PCDHGA7: variants seen among roughly 807,000 people sequenced by gnomAD.
PCDHGA7 encodes the protein protocadherin gamma-A7.
In PCDHGA7, 44 loss-of-function variants were observed where a neutral mutation model predicts 58.3. The ratio of observed to expected loss-of-function variants is 0.75; its 90% CI spans 0.59 to 0.97. The LOEUF is 0.97. Among genes scored for constraint, PCDHGA7 ranks in the 50% least tolerant of loss-of-function variants. The probability of loss-of-function intolerance (pLI) is 0.00; values close to 1 mark genes in which losing one functional copy is unlikely to be tolerated. For synonymous variants in PCDHGA7, 516 were observed against 504.2 expected (o/e 1.02, Z -0.31); for missense variants, 1,266 against 1,188.7 (o/e 1.06, Z -0.96).
chr5:141,450,181 C>A (rs2098672863), intron 1 of PCDHGA7, among the ~76,000 whole-genome samples: 1 of 151,572 alleles, frequency 6.6e-6, no homozygotes, highest in African/African-American at 2.4e-5. Flanking sequence ...CCACACCCAG[C>A]TAATTTTTGT....
intron 1 of PCDHGA7, chr5:141,408,577 T>C (rs771768269): frequency 6.2e-7 from 1 of 1,614,068 alleles, no homozygotes; most frequent in South Asian, 1.1e-5. Flanking sequence ...TGATTGAGGA[T>C]GTTAATGACC....
At chr5:141,481,441 T>C (rs1397908285) in intron 1 of PCDHGA7, among the ~76,000 whole-genome samples, 1 of 152,250 alleles carries the variant, frequency 6.6e-6, no homozygotes, top group East Asian at 1.9e-4. Context: ...ATCAGTTTAG[T>C]ACATGTAAAT....
intron 1 of PCDHGA7, among the ~76,000 whole-genome samples, chr5:141,475,620 G>A (rs2154572702): frequency 6.6e-6 from 1 of 152,238 alleles, no homozygotes; most frequent in Admixed American, 6.5e-5. Flanking sequence ...TTTTCGGTTT[G>A]GTTCGATCCC....
At chr5:141,433,124 G>T in intron 1 of PCDHGA7, 5 of 1,614,136 alleles carry the variant, frequency 3.1e-6, no homozygotes, top group Non-Finnish European at 4.2e-6. Context: ...TGAAAAAAGC[G>T]AGCCCCTTTT....
At chr5:141,454,087 T>A (rs1251936767) in intron 1 of PCDHGA7, among the ~76,000 whole-genome samples, 4 of 152,198 alleles carry the variant, frequency 2.6e-5, no homozygotes, top group Non-Finnish European at 5.9e-5. Context: ...TCAGTGAAAT[T>A]TGAATTGAAC....
intron 1 of PCDHGA7, among the ~76,000 whole-genome samples, chr5:141,458,695 G>A (rs551105765): frequency 2.0e-5 from 3 of 151,852 alleles, no homozygotes; most frequent in Non-Finnish European, 2.9e-5. Context: ...TCAGCCTCCC[G>A]AGTAGCTGGG....
intron 1 of PCDHGA7, among the ~76,000 whole-genome samples, chr5:141,406,485 G>T (rs2094815755): frequency 6.6e-6 from 1 of 152,142 alleles, no homozygotes; most frequent in Non-Finnish European, 1.5e-5. Flanking sequence ...ATATTTTTCA[G>T]ATCACAAGTG....
At chr5:141,420,006 GAC>G (rs745722189) in intron 1 of PCDHGA7, 1 of 1,613,936 alleles carries the variant, frequency 6.2e-7, no homozygotes, top group African/African-American at 1.3e-5. Flanking sequence ...CTACGCCTGC[GAC>G]AGTCTTTCAG....
intron 2 of PCDHGA7, among the ~76,000 whole-genome samples, chr5:141,501,771 G>A (rs957546749): frequency 7.2e-5 from 11 of 152,118 alleles, no homozygotes; most frequent in African/African-American, 2.7e-4. Context: ...GGTTAAAAAA[G>A]AGGTCTCTCT....
intron 1 of PCDHGA7, chr5:141,388,795 C>G (rs1204065309): frequency 6.2e-7 from 1 of 1,613,716 alleles, no homozygotes; most frequent in Non-Finnish European, 8.5e-7. Flanking sequence ...GTTTTAAATA[C>G]ATTAGATTTT....
chr5:141,415,657 G>C, intron 1 of PCDHGA7: 1 of 1,576,238 alleles, frequency 6.3e-7, no homozygotes, highest in Non-Finnish European at 8.6e-7. Context: ...AAAAAAGATT[G>C]GTTTTTACTT....
At chr5:141,450,355 C>T (rs943649682) in intron 1 of PCDHGA7, among the ~76,000 whole-genome samples, 2 of 152,090 alleles carry the variant, frequency 1.3e-5, no homozygotes, top group Non-Finnish European at 2.9e-5. Context: ...TGAAACAGTT[C>T]CTCAGCCTTG....
rs757468959 is a variant in PCDHGA7, at chr5:141,395,139, G to A, written c.2424+9816G>A. On this transcript the variant is annotated intron_variant, in intron 1 of 3. Coordinates refer to ENST00000518325, the MANE Select transcript of PCDHGA7 (RefSeq NM_018920.4). ...CCTGATCTTTCCCCAGCCCAACTAC[G>A]CAGACATGCTCATCAGTCAGGAGGG... 10 of 1,614,026 alleles carry A rather than the reference G, an allele frequency of 6.2e-6. No homozygotes were observed. In the East Asian group the frequency reaches 1.3e-4, roughly 22 times the overall value.
Position 141,393,014 on chromosome 5 carries a change from C to T in PCDHGA7, c.2424+7691C>T, listed in dbSNP as rs761990025. The T allele has an allele frequency of 1.9e-6, 3 of 1,613,736 alleles. No homozygotes were observed. The African/African-American group carries it at 4.0e-5, about 22-fold the overall frequency. On this transcript the variant is annotated intron_variant, in intron 1 of 3. Transcript: ENST00000518325. ...TGGCGAAGCACGGAGTCCGTATCGT[C>T]TCCAGAGGTAGGACGCAGCTCTTTG... is the stretch of plus-strand genomic sequence containing the variant.
rs1052139407 is a variant in PCDHGA7, at chr5:141,385,148, T to G, written c.2249T>G (p.Leu750Arg). The change falls in exon 1 of 4, where the codon CTG becomes CGG. Residue 750 changes from leucine to arginine, a missense_variant. By Grantham distance (102) the Leu-to-Arg change is moderately radical (BLOSUM62 -2). Coordinates refer to ENST00000518325, the MANE Select transcript of PCDHGA7 (RefSeq NM_018920.4). ...GGCATGGACGGGGTGCAGGCTTTCC[T>G]GCAGACCTATTCCCATGAGGTCTCC... ...FVGMDGVQAF[L>R]QTYSHEVSLT... 1 of 1,614,218 alleles carries G rather than the reference T, an allele frequency of 6.2e-7. No individual in the cohort carries two copies. Among genetic ancestry groups the G allele is most frequent in the Admixed American group, 1.7e-5 (1 of 60,030 alleles).
chr5:141,423,943 G>GA, intron 1 of PCDHGA7: 1 of 1,211,382 alleles, frequency 8.3e-7, no homozygotes, highest in Non-Finnish European at 1.0e-6. Flanking sequence ...GAAGTAAGTT[G>GA]AATTTTAGTA....
chr5:141,404,656 C>A, intron 1 of PCDHGA7: 1 of 1,614,176 alleles, frequency 6.2e-7, no homozygotes, highest in Non-Finnish European at 8.5e-7. Context: ...CTGCCCTCCC[C>A]ACTGATGGTT....
intron 1 of PCDHGA7, chr5:141,394,176 G>A: frequency 6.2e-7 from 1 of 1,613,790 alleles, no homozygotes; most frequent in Non-Finnish European, 8.5e-7. Flanking sequence ...TTTCCCTCAT[G>A]CCTCCTACTC....
At chr5:141,390,299 A>G in intron 1 of PCDHGA7, 1 of 1,613,858 alleles carries the variant, frequency 6.2e-7, no homozygotes, top group Non-Finnish European at 8.5e-7. Context: ...TCCTTTAAGT[A>G]TAATTTAATG....
Sources: gnomAD v4.1 joint callset for allele counts (sites outside exome capture counted in the v4.1 genomes callset) on GRCh38, gnomAD v4.1.1 for gene constraint, MANE v1.5 for transcripts, NCBI Gene and HGNC (gene_info 2026-07-23, HGNC 2026-07-21) for gene names.